GRID2: variants seen among roughly 807,000 people sequenced by gnomAD.
GRID2 encodes glutamate ionotropic receptor delta type subunit 2.
Under a neutral mutation model 114.8 loss-of-function variants are expected in GRID2, and 33 were observed. The observed-to-expected ratio is 0.29, with a 90% CI of 0.22 to 0.38. GRID2 has a LOEUF of 0.38. GRID2 is among the 10% of genes least tolerant of loss of function. The probability of loss-of-function intolerance (pLI) is 1.00; values close to 1 mark genes in which losing one functional copy is unlikely to be tolerated. For synonymous variants in GRID2, 505 were observed against 449.9 expected (o/e 1.12, Z -1.55); for missense variants, 1,184 against 1,257.7 (o/e 0.94, Z 0.89).
chr4:92,573,286 G>T (rs186062080), intron 1 of GRID2, among the ~76,000 whole-genome samples: 5 of 151,708 alleles, frequency 3.3e-5, no homozygotes, highest in Non-Finnish European at 5.9e-5. Context: ...TTCAGTTTTC[G>T]AAGGGTTTTT....
chr4:92,612,717 T>A (rs1729815743), intron 2 of GRID2, among the ~76,000 whole-genome samples: 1 of 151,496 alleles, frequency 6.6e-6, no homozygotes, highest in African/African-American at 2.4e-5. Context: ...GTGAACGGAA[T>A]CATTTCTTGT....
At chr4:93,731,967 T>C (rs913023487) in intron 14 of GRID2, among the ~76,000 whole-genome samples, 1 of 152,186 alleles carries the variant, frequency 6.6e-6, no homozygotes, top group Non-Finnish European at 1.5e-5. Flanking sequence ...TCTCTTCTCC[T>C]GACTCAACCA....
intron 2 of GRID2, among the ~76,000 whole-genome samples, chr4:92,955,304 C>T (rs2149141441): frequency 6.6e-6 from 1 of 151,610 alleles, no homozygotes; most frequent in South Asian, 2.1e-4. Flanking sequence ...TAATGATTGC[C>T]ATTCTAACTG....
intron 13 of GRID2, among the ~76,000 whole-genome samples, chr4:93,559,980 AG>A (rs537888301): frequency 1.7e-3 from 257 of 152,222 alleles, no homozygotes; most frequent in African/African-American, 5.8e-3. Flanking sequence ...ACACAGGAAC[AG>A]AAAACCAAAC....
intron 4 of GRID2, among the ~76,000 whole-genome samples, chr4:93,118,071 G>A (rs997906047): frequency 8.5e-5 from 13 of 152,050 alleles, no homozygotes; most frequent in African/African-American, 3.1e-4. Context: ...CAACTATCAA[G>A]ACTTCTATGA....
At chr4:92,393,518 G>T (rs28629188) in intron 1 of GRID2, among the ~76,000 whole-genome samples, 1 of 152,038 alleles carries the variant, frequency 6.6e-6, no homozygotes, top group East Asian at 1.9e-4. Flanking sequence ...TAGAAATCTA[G>T]AATAGTCTTA....
chr4:93,751,396 T>C (rs1024910606), intron 14 of GRID2, among the ~76,000 whole-genome samples: 1 of 152,118 alleles, frequency 6.6e-6, no homozygotes, highest in Non-Finnish European at 1.5e-5. Context: ...TTTTCACCTG[T>C]TTTTCTTCTT....
intron 8 of GRID2, among the ~76,000 whole-genome samples, chr4:93,280,537 C>G (rs914668987): frequency 6.6e-6 from 1 of 151,798 alleles, no homozygotes; most frequent in Admixed American, 6.6e-5. Flanking sequence ...GCCTTTATCT[C>G]TTTTTTATTT....
chr4:93,462,568 T>G (rs1280201885), intron 11 of GRID2, among the ~76,000 whole-genome samples: 1 of 152,182 alleles, frequency 6.6e-6, no homozygotes, highest in Non-Finnish European at 1.5e-5. Context: ...TACTGTCAGA[T>G]GGATCACACT....
intron 4 of GRID2, among the ~76,000 whole-genome samples, chr4:93,194,804 G>A (rs187253563): frequency 2.4e-4 from 36 of 152,178 alleles, no homozygotes; most frequent in Non-Finnish European, 4.0e-4. Context: ...CTGAGAACTC[G>A]TTAGAAATTA....
At chr4:93,703,727 T>C (rs1311872605) in intron 14 of GRID2, among the ~76,000 whole-genome samples, 1 of 146,114 alleles carries the variant, frequency 6.8e-6, no homozygotes, top group African/African-American at 2.5e-5. Flanking sequence ...TTCCCACCTA[T>C]GAGTGAGAAC....
At chr4:92,899,321 CTATAT>C (rs1347707266) in intron 2 of GRID2, among the ~76,000 whole-genome samples, 2 of 151,806 alleles carry the variant, frequency 1.3e-5, no homozygotes, top group South Asian at 2.1e-4. Flanking sequence ...AAAAATTTAG[CTATAT>C]TATGTTTTTA....
intron 13 of GRID2, among the ~76,000 whole-genome samples, chr4:93,542,299 AG>A (rs1732728916): frequency 6.6e-6 from 1 of 152,132 alleles, no homozygotes; most frequent in South Asian, 2.1e-4. Flanking sequence ...TCCTGTACCC[AG>A]CCTTTGATGA....
chr4:93,047,969 G>A (rs1338936385), intron 2 of GRID2, among the ~76,000 whole-genome samples: 2 of 152,118 alleles, frequency 1.3e-5, no homozygotes, highest in Non-Finnish European at 2.9e-5. Flanking sequence ...AGTTCTGGGT[G>A]TTGAAGGCTC....
At chr4:92,785,084 T>C (rs1739254912) in intron 2 of GRID2, among the ~76,000 whole-genome samples, 2 of 150,926 alleles carry the variant, frequency 1.3e-5, no homozygotes, top group African/African-American at 4.8e-5. Flanking sequence ...TTTTTTTTTT[T>C]TTTTTTAACA....
At chr4:92,649,581 CTTG>C (rs1731824275) in intron 2 of GRID2, among the ~76,000 whole-genome samples, 1 of 151,954 alleles carries the variant, frequency 6.6e-6, no homozygotes, top group Non-Finnish European at 1.5e-5. Flanking sequence ...CTGGGCATTG[CTTG>C]GCCCAATCAG....
chr4:92,962,510 G>A (rs947470778), intron 2 of GRID2, among the ~76,000 whole-genome samples: 9 of 151,910 alleles, frequency 5.9e-5, no homozygotes, highest in African/African-American at 7.3e-5. Flanking sequence ...CTGGAGTTGG[G>A]CATTTCCCTT....
At chr4:93,004,892 C>G (rs1721350546) in intron 2 of GRID2, among the ~76,000 whole-genome samples, 2 of 151,990 alleles carry the variant, frequency 1.3e-5, no homozygotes, top group Admixed American at 1.3e-4. Flanking sequence ...ATTTTTTTCA[C>G]TTTGCTTCCC....
chr4:92,599,916 T>G (rs888183609), intron 2 of GRID2, among the ~76,000 whole-genome samples: 1 of 150,924 alleles, frequency 6.6e-6, no homozygotes, highest in Non-Finnish European at 1.5e-5. Flanking sequence ...TTTCAGCTAC[T>G]CGGGAGGCTC....
Sources: gnomAD v4.1 joint callset for allele counts (sites outside exome capture counted in the v4.1 genomes callset) on GRCh38, gnomAD v4.1.1 for gene constraint, MANE v1.5 for transcripts, NCBI Gene and HGNC (gene_info 2026-07-23, HGNC 2026-07-21) for gene names.